The following CYB5R4 variants were observed in gnomAD, a reference collection of about 807,000 sequenced individuals.
CYB5R4 encodes N-terminal cytochrome b5 and cytochrome b5 oxidoreductase domain-containing protein.
Under a neutral mutation model 70.2 loss-of-function variants are expected in CYB5R4, and 55 were observed. The ratio of observed to expected loss-of-function variants is 0.78; its 90% CI spans 0.63 to 0.98. CYB5R4 has a LOEUF of 0.98. Among genes scored for constraint, CYB5R4 ranks in the 50% least tolerant of loss-of-function variants. The pLI is 0.00. For synonymous variants in CYB5R4, 197 were observed against 199.5 expected (o/e 0.99, Z 0.11); for missense variants, 562 against 612.6 (o/e 0.92, Z 0.87).
chr6:83,957,344 T>A (rs2099472573), intron 15 of CYB5R4, among the ~76,000 whole-genome samples: 2 of 152,124 alleles, frequency 1.3e-5, no homozygotes, highest in African/African-American at 4.8e-5. Context: ...ATAATTAGAA[T>A]CATTTTTGCA....
chr6:83,868,487 T>G (rs907350195), intron 2 of CYB5R4, among the ~76,000 whole-genome samples: 6 of 152,190 alleles, frequency 3.9e-5, no homozygotes, highest in African/African-American at 1.4e-4. Flanking sequence ...TTTGGAATGA[T>G]CTCTAAGACG....
intron 2 of CYB5R4, among the ~76,000 whole-genome samples, chr6:83,886,141 CAA>C (rs1562830353): frequency 6.6e-6 from 1 of 151,924 alleles, no homozygotes; most frequent in East Asian, 1.9e-4. Context: ...GCAAGAGTCC[CAA>C]TGCAGTATAG....
chr6:83,941,117 G>C (rs993712658), intron 14 of CYB5R4, among the ~76,000 whole-genome samples: 2 of 152,102 alleles, frequency 1.3e-5, no homozygotes, highest in Non-Finnish European at 2.9e-5. Context: ...TCTTTCACTA[G>C]TGATCCTTGG....
intron 5 of CYB5R4, among the ~76,000 whole-genome samples, chr6:83,914,941 C>G (rs1350422426): frequency 6.6e-6 from 1 of 151,432 alleles, no homozygotes. Context: ...TTACTCTTAT[C>G]GTCGTGCCTT....
At chr6:83,922,604 G>C (rs766243956) in intron 9 of CYB5R4, 134 bp downstream of exon 9, 15 of 631,530 alleles carry the variant, frequency 2.4e-5, no homozygotes, top group Non-Finnish European at 3.6e-5. Context: ...GCAAAACAAA[G>C]ATGTGATGTT....
At chr6:83,892,739 T>A (rs886474868) in intron 2 of CYB5R4, among the ~76,000 whole-genome samples, 1 of 152,180 alleles carries the variant, frequency 6.6e-6, no homozygotes, top group East Asian at 1.9e-4. Flanking sequence ...GCTGAGATGA[T>A]CAGAGACGTG....
intron 9 of CYB5R4, among the ~76,000 whole-genome samples, chr6:83,923,325 C>T (rs2129140297): frequency 6.6e-6 from 1 of 152,216 alleles, no homozygotes; most frequent in East Asian, 1.9e-4. Context: ...TCCAATGTTT[C>T]CTCTTTTCCG....
At chr6:83,937,780 A>T (rs1229720066) in intron 12 of CYB5R4, among the ~76,000 whole-genome samples, 2 of 152,252 alleles carry the variant, frequency 1.3e-5, no homozygotes, top group Admixed American at 1.3e-4. Flanking sequence ...TGGCCTCCCA[A>T]AGTGCTGGGA....
chr6:83,860,083 C>G (rs2099455693), intron 1 of CYB5R4, among the ~76,000 whole-genome samples: 4 of 152,228 alleles, frequency 2.6e-5, no homozygotes, highest in South Asian at 4.2e-4. Flanking sequence ...GTCCTTTATC[C>G]CGCTCTATCC....
rs1342364137 is a variant in CYB5R4 at position 83,965,026 on chromosome 6, C to T, written c.*5148C>T. ...AGATTTCAGAAGATGTATGGAAATG[C>T]CTGGATGCCCAGGCAGAAGTTTGCT... On this transcript the variant is annotated 3_prime_UTR_variant, in exon 16 of 16. Transcript: ENST00000369681. The T allele has an allele frequency of 6.6e-6, 1 of 152,216 alleles. No individual in the cohort carries two copies. 9.4% of individuals were successfully genotyped at this position (152,216 alleles called of 1,614,324 possible).
At chr6:83,927,887 G>C (rs1419445493) in intron 10 of CYB5R4, among the ~76,000 whole-genome samples, 3 of 152,104 alleles carry the variant, frequency 2.0e-5, no homozygotes, top group African/African-American at 4.8e-5. Context: ...CAGGCAGACA[G>C]GTCCCATCTT....
intron 3 of CYB5R4, among the ~76,000 whole-genome samples, chr6:83,903,616 C>A (rs1213803576): frequency 3.9e-5 from 6 of 152,014 alleles, no homozygotes; most frequent in Non-Finnish European, 1.5e-5. Context: ...ATTTACTCTT[C>A]TTTCTACATT....
At chr6:83,905,990 G>T (rs995378195) in intron 3 of CYB5R4, among the ~76,000 whole-genome samples, 1 of 152,242 alleles carries the variant, frequency 6.6e-6, no homozygotes, top group Admixed American at 6.5e-5. Context: ...GACTGGACTG[G>T]GCAATCTCCT....
Position 83,863,877 on chromosome 6 carries a change from C to T in CYB5R4, c.76-298C>T, listed in dbSNP as rs61761482. On this transcript the variant is annotated intron_variant, in intron 1 of 15. Coordinates refer to ENST00000369681, the MANE Select transcript of CYB5R4 (RefSeq NM_016230.4). ...CATAGGTTATATGTCAGTACTTTGCCATTTTATATGAGACACTTGAGCATC... is the reference window on the plus strand; with the variant it reads ...CATAGGTTATATGTCAGTACTTTGCTATTTTATATGAGACACTTGAGCATC... Among the ~76,000 whole-genome samples the T allele has an allele frequency of 3.0e-3, 458 of 152,162 alleles. 2 individuals carry two copies. Among genetic ancestry groups the T allele is most frequent in the African/African-American group, 9.3e-3 (386 of 41,514 alleles).
At chr6:83,953,911 G>A (rs1374378963) in intron 14 of CYB5R4, among the ~76,000 whole-genome samples, 1 of 152,100 alleles carries the variant, frequency 6.6e-6, no homozygotes, top group Non-Finnish European at 1.5e-5. Flanking sequence ...TACTTAGATT[G>A]ACGTTTGAGA....
chr6:83,868,942 A>G (rs1220380898), intron 2 of CYB5R4, among the ~76,000 whole-genome samples: 1 of 152,226 alleles, frequency 6.6e-6, no homozygotes, highest in East Asian at 1.9e-4. Flanking sequence ...ATTTGAATAA[A>G]TGGTATTTCA....
At chr6:83,926,638 G>A (rs941351667) in intron 10 of CYB5R4, among the ~76,000 whole-genome samples, 21 of 152,068 alleles carry the variant, frequency 1.4e-4, no homozygotes, top group African/African-American at 5.1e-4. Flanking sequence ...TGAAGTGTTG[G>A]GGGTTATGAC....
intron 4 of CYB5R4, among the ~76,000 whole-genome samples, chr6:83,912,112 A>G (rs1357177236): frequency 6.7e-6 from 1 of 148,398 alleles, no homozygotes; most frequent in Non-Finnish European, 1.5e-5. Context: ...CGTTTATGGT[A>G]TTTTTTGAAT....
At chr6:83,889,568 C>G (rs776167616) in intron 2 of CYB5R4, among the ~76,000 whole-genome samples, 1 of 152,166 alleles carries the variant, frequency 6.6e-6, no homozygotes, top group African/African-American at 2.4e-5. Flanking sequence ...AAAAAAGTTT[C>G]TTTTCAAATT....
Sources: allele counts gnomAD v4.1 joint callset (sites outside exome capture counted in the v4.1 genomes callset), GRCh38; gene constraint gnomAD v4.1.1; transcripts MANE v1.5; gene names NCBI Gene and HGNC (gene_info 2026-07-23, HGNC 2026-07-21).